The following JAKMIP2 variants were observed in gnomAD, a reference collection of about 807,000 sequenced individuals.
JAKMIP2 encodes janus kinase and microtubule interacting protein 2.
Under a neutral mutation model 115.0 loss-of-function variants are expected in JAKMIP2, and 25 were observed. That is an observed-to-expected ratio of 0.22 (90% CI 0.16 to 0.30). The LOEUF is 0.30. Ranked by LOEUF, JAKMIP2 falls within the 10% of genes least tolerant of loss-of-function variation. The probability of loss-of-function intolerance (pLI) is 1.00; values close to 1 mark genes in which losing one functional copy is unlikely to be tolerated. For synonymous variants in JAKMIP2, 334 were observed against 343.6 expected (o/e 0.97, Z 0.31); for missense variants, 642 against 957.6 (o/e 0.67, Z 4.35).
At chr5:147,745,425 A>T (rs950365211) in intron 1 of JAKMIP2, among the ~76,000 whole-genome samples, 21 of 152,290 alleles carry the variant, frequency 1.4e-4, no homozygotes, top group African/African-American at 5.1e-4. Flanking sequence ...TTGACTTGCT[A>T]TCTCTGTATC....
At chr5:147,683,665 T>C (rs1385124160) in intron 1 of JAKMIP2, among the ~76,000 whole-genome samples, 1 of 152,200 alleles carries the variant, frequency 6.6e-6, no homozygotes, top group Admixed American at 6.5e-5. Context: ...TGTTGTTTCC[T>C]TGGTGACTGT....
At chr5:147,607,699 A>G (rs1304018169) in intron 20 of JAKMIP2, among the ~76,000 whole-genome samples, 3 of 152,194 alleles carry the variant, frequency 2.0e-5, no homozygotes, top group African/African-American at 7.2e-5. Context: ...AAAATGAGTT[A>G]GGGAGAAGTC....
At chr5:147,772,024 G>A (rs1019667873) in intron 1 of JAKMIP2, among the ~76,000 whole-genome samples, 1 of 152,008 alleles carries the variant, frequency 6.6e-6, no homozygotes, top group Non-Finnish European at 1.5e-5. Flanking sequence ...CATGTGAATG[G>A]AAAGATCTGA....
intron 19 of JAKMIP2, among the ~76,000 whole-genome samples, chr5:147,615,723 C>T (rs1048818665): frequency 6.6e-6 from 1 of 152,038 alleles, no homozygotes; most frequent in Admixed American, 6.6e-5. Flanking sequence ...TTGTGTTGAT[C>T]ATTTTATAAC....
At chr5:147,751,717 T>G (rs1432861426) in intron 1 of JAKMIP2, among the ~76,000 whole-genome samples, 1 of 152,066 alleles carries the variant, frequency 6.6e-6, no homozygotes, top group Admixed American at 6.5e-5. Flanking sequence ...CTGAAATTCT[T>G]TCTGGTCGAA....
At chr5:147,605,195 T>C (rs1181790847) in intron 20 of JAKMIP2, among the ~76,000 whole-genome samples, 1 of 142,244 alleles carries the variant, frequency 7.0e-6, no homozygotes, top group Non-Finnish European at 1.5e-5. Context: ...ATGGTGTATA[T>C]GTGCCACATT....
At chr5:147,594,171 A>G (rs890083727) in intron 21 of JAKMIP2, among the ~76,000 whole-genome samples, 7 of 152,184 alleles carry the variant, frequency 4.6e-5, no homozygotes, top group Non-Finnish European at 7.3e-5. Flanking sequence ...TTCTATAGTG[A>G]AGCCAGATTT....
At chr5:147,627,569 A>G (rs1320087804) in intron 16 of JAKMIP2, among the ~76,000 whole-genome samples, 1 of 151,592 alleles carries the variant, frequency 6.6e-6, no homozygotes, top group Non-Finnish European at 1.5e-5. Flanking sequence ...TTAGGTCTGT[A>G]ATTAAACTGT....
At chr5:147,645,467 C>G (rs1164666494) in intron 5 of JAKMIP2, among the ~76,000 whole-genome samples, 1 of 152,062 alleles carries the variant, frequency 6.6e-6, no homozygotes, top group Non-Finnish European at 1.5e-5. Flanking sequence ...TTTCAGAGAC[C>G]TTGTGGAAAT....
chr5:147,632,872 G>C (rs1757430734), intron 12 of JAKMIP2, 94 bp from the exon 13 acceptor site: 1 of 742,598 alleles, frequency 1.3e-6, no homozygotes, highest in Admixed American at 2.4e-5. Context: ...CAGTGAATAA[G>C]TCTTCCAGAC....
In JAKMIP2 at chr5:147,618,010, C is replaced by T. The variant is rs762987643; in HGVS notation, c.2247G>A (p.Thr749=). The part of the protein sequence containing the change: ...LSEKQQEELR[T]AVEKLRRQML... ...TTTGCCGCCGTAACTTTTCTACTGC[C>T]GTCCTCAGCTCCTCTTGCTGTTTTT... The change falls in exon 19 of 22, where the codon ACG becomes ACA. Residue 749 remains threonine, a synonymous_variant. Transcript: ENST00000616793. The T allele has an allele frequency of 6.2e-6, 10 of 1,613,994 alleles. No homozygotes were observed. The highest frequency in any genetic ancestry group is 3.3e-5 in the Admixed American group (2 of 60,008).
At chr5:147,763,125 C>A (rs13183927) in intron 1 of JAKMIP2, among the ~76,000 whole-genome samples, 1 of 151,920 alleles carries the variant, frequency 6.6e-6, no homozygotes, top group Admixed American at 6.6e-5. Flanking sequence ...CACCAGACCA[C>A]AGGCAGCCAG....
At chr5:147,715,178 G>T (rs1022180653) in intron 1 of JAKMIP2, among the ~76,000 whole-genome samples, 1 of 151,878 alleles carries the variant, frequency 6.6e-6, no homozygotes, top group Non-Finnish European at 1.5e-5. Context: ...GTTAATAGAA[G>T]AAATTGAATG....
At chr5:147,693,414 G>A (rs1431064665) in intron 1 of JAKMIP2, among the ~76,000 whole-genome samples, 1 of 152,186 alleles carries the variant, frequency 6.6e-6, no homozygotes, top group African/African-American at 2.4e-5. Context: ...CATTTGATGA[G>A]ATCATGGTGA....
At chr5:147,772,616 A>C (rs2127078270) in intron 1 of JAKMIP2, among the ~76,000 whole-genome samples, 1 of 152,106 alleles carries the variant, frequency 6.6e-6, no homozygotes, top group East Asian at 1.9e-4. Context: ...ATTTGGATAA[A>C]AGTGTGTTTT....
At chr5:147,627,704 A>AAAAAAC (rs5872032) in intron 16 of JAKMIP2, among the ~76,000 whole-genome samples, 1 of 146,966 alleles carries the variant, frequency 6.8e-6, no homozygotes, top group African/African-American at 2.5e-5. Context: ...AAAAAAAAAA[A>AAAAAAC]CCCACAAGGT....
At chr5:147,742,155 A>ATATATTTTTTT in intron 1 of JAKMIP2, among the ~76,000 whole-genome samples, 3 of 108,882 alleles carry the variant, frequency 2.8e-5, no homozygotes, top group South Asian at 3.1e-4. Flanking sequence ...ATATATATAT[A>ATATATTTTTTT]TTTTTTTTAC....
chr5:147,595,699 G>A (rs960725132), intron 21 of JAKMIP2, among the ~76,000 whole-genome samples: 1 of 152,278 alleles, frequency 6.6e-6, no homozygotes, highest in African/African-American at 2.4e-5. Context: ...CTTTTGAACT[G>A]TAAAGCAAGT....
chr5:147,631,312 A>G, intron 14 of JAKMIP2, 101 bp downstream of exon 14: 2 of 639,634 alleles, frequency 3.1e-6, no homozygotes, highest in South Asian at 4.3e-5. Context: ...AAATGATGAC[A>G]TCCAGTGACT....
Sources: gnomAD v4.1 joint callset for allele counts (sites outside exome capture counted in the v4.1 genomes callset) on GRCh38, gnomAD v4.1.1 for gene constraint, MANE v1.5 for transcripts, NCBI Gene and HGNC (gene_info 2026-07-23, HGNC 2026-07-21) for gene names.